Variants in TMEM62 observed in about 807,000 individuals in gnomAD.
The protein encoded by TMEM62 is transmembrane protein 62.
TMEM62 carries 41 observed loss-of-function variants against 70.4 expected under a neutral mutation model. The ratio of observed to expected loss-of-function variants is 0.58; its 90% confidence interval spans 0.45 to 0.76. The LOEUF is 0.76. Among genes scored for constraint, TMEM62 ranks in the 30% least tolerant of loss-of-function variants. The pLI is 0.00. For synonymous variants in TMEM62, 268 were observed against 291.0 expected (o/e 0.92, Z 0.80); for missense variants, 688 against 788.5 (o/e 0.87, Z 1.53).
Position 43,133,833 on chromosome 15 carries a change from G to A in TMEM62, c.31G>A (p.Ala11Thr), listed in dbSNP as rs1332882243. The A allele has an allele frequency of 1.4e-6, 2 of 1,454,354 alleles. No homozygotes were observed. Among genetic ancestry groups the A allele is most frequent in the Non-Finnish European group, 1.8e-6 (2 of 1,110,556 alleles). The allele number at this position is 1,454,354 out of a possible 1,614,324, so 90.1% of individuals were successfully genotyped here. Residue 11 changes from alanine (A) to threonine (T), a missense_variant, in exon 1 of 14, where the codon GCG becomes ACG. Physicochemically the swap from Ala to Thr is moderately conservative, Grantham distance 58. Coordinates refer to ENST00000260403, the MANE Select transcript of TMEM62 (RefSeq NM_024956.4). ...TGCAGTGCTGGCTCTCAGGGTGGTC[G>A]CGGGGTTGGCGGCCGCAGCGCTGGT... MAAVLALRVV[A>T]GLAAAALVAM...
chr15:43,146,402 C>A, intron 4 of TMEM62, 91 bp from the exon 5 acceptor site: 1 of 1,247,366 alleles, frequency 8.0e-7, no homozygotes, highest in African/African-American at 1.5e-5. Flanking sequence ...ATCTCGTTTT[C>A]AAAGGAAGGT....
intron 10 of TMEM62, 62 bp downstream of exon 10, chr15:43,160,856 G>T: frequency 1.1e-6 from 1 of 938,442 alleles, no homozygotes; most frequent in Non-Finnish European, 1.6e-6. Flanking sequence ...ATATACAGTA[G>T]TCCTCCCTTA....
At chr15:43,167,609 G>A (rs1460973381) in intron 10 of TMEM62, among the ~76,000 whole-genome samples, 10 of 151,238 alleles carry the variant, frequency 6.6e-5, no homozygotes, top group African/African-American at 1.7e-4. Context: ...ATGTGATGGC[G>A]GCCAGGCAGA....
Position 43,149,154 on chromosome 15 carries a change from A to G in TMEM62, c.866+3A>G. The G allele has an allele frequency of 6.2e-7, 1 of 1,613,482 alleles. No homozygotes were observed. The highest frequency in any genetic ancestry group is 8.5e-7 in the Non-Finnish European group (1 of 1,179,766). ...GGAGACTGGAAGGATAATAGGAGGTAAGGGAACCTCCCCATAGAAGAAAAC... is the reference window on the plus strand; with the variant it reads ...GGAGACTGGAAGGATAATAGGAGGTGAGGGAACCTCCCCATAGAAGAAAAC... On this transcript the variant is annotated splice_donor_region_variant and intron_variant, in intron 7 of 13. Coordinates refer to ENST00000260403, the MANE Select transcript of TMEM62 (RefSeq NM_024956.4).
At chr15:43,159,655 C>G (rs979341902) in intron 9 of TMEM62, among the ~76,000 whole-genome samples, 6 of 152,100 alleles carry the variant, frequency 3.9e-5, no homozygotes, top group African/African-American at 1.4e-4. Flanking sequence ...TTGATGGACA[C>G]TTAGGTTGCT....
At chr15:43,161,467 T>TA (rs35590984) in intron 10 of TMEM62, among the ~76,000 whole-genome samples, 19,749 of 152,198 alleles carry the variant, frequency 0.13, 1,738 homozygotes, top group Middle Eastern at 0.21. Context: ...TCCACATCAA[T>TA]AATATATGCT....
intron 9 of TMEM62, chr15:43,160,399 A>G (rs1220765766): frequency 4.1e-6 from 1 of 242,532 alleles, no homozygotes; most frequent in Non-Finnish European, 7.9e-6. Context: ...ATAAATTTAA[A>G]TATTAGCCAG....
At chr15:43,180,243 C>G (rs548867409) in intron 12 of TMEM62, among the ~76,000 whole-genome samples, 21 of 152,300 alleles carry the variant, frequency 1.4e-4, no homozygotes, top group Admixed American at 1.2e-3. Context: ...CTACCTCAGC[C>G]TCCCGACTAG....
At chr15:43,149,956 G>T (rs567588206) in intron 7 of TMEM62, among the ~76,000 whole-genome samples, 7 of 152,150 alleles carry the variant, frequency 4.6e-5, no homozygotes, top group South Asian at 2.1e-4. Context: ...TAAATATATG[G>T]TTTTTTCTTT....
intron 4 of TMEM62, among the ~76,000 whole-genome samples, chr15:43,145,307 C>T (rs918015281): frequency 1.5e-4 from 22 of 150,722 alleles, no homozygotes; most frequent in African/African-American, 4.9e-4. Flanking sequence ...CGGGTTCAAG[C>T]CATTGTCCTG....
At position 43,181,308 on chromosome 15, in the gene TMEM62, T is replaced by C. The variant is rs1187759411; in HGVS notation, c.1605+9T>C. Reference sequence around the variant, plus strand: ...TAATTGGAATTCTCCAGGTAAGAAGTCAGAAAAGCAATTTAAGAACATCTT... The same window carrying C: ...TAATTGGAATTCTCCAGGTAAGAAGCCAGAAAAGCAATTTAAGAACATCTT... On this transcript the variant is annotated intron_variant, in intron 13 of 13. Coordinates refer to ENST00000260403, the MANE Select transcript of TMEM62 (RefSeq NM_024956.4). 1 of 1,560,898 alleles carries C rather than the reference T, an allele frequency of 6.4e-7. No individual in the cohort carries two copies. Among genetic ancestry groups the C allele is most frequent in the South Asian group, 1.1e-5 (1 of 89,722 alleles).
intron 10 of TMEM62, among the ~76,000 whole-genome samples, chr15:43,168,116 A>AAGAGAG (rs1439436649): frequency 1.5e-5 from 2 of 136,340 alleles, no homozygotes; most frequent in South Asian, 2.6e-4. Flanking sequence ...AGACTGTGGA[A>AAGAGAG]AGAGAGGGAG....
intron 9 of TMEM62, among the ~76,000 whole-genome samples, chr15:43,155,345 A>C (rs914280872): frequency 6.6e-6 from 1 of 151,556 alleles, no homozygotes; most frequent in Non-Finnish European, 1.5e-5. Flanking sequence ...AAAAAATAAA[A>C]GTTAGCTGGG....
intron 11 of TMEM62, chr15:43,169,927 C>T (rs2040010580): frequency 3.2e-6 from 1 of 316,050 alleles, no homozygotes; most frequent in Non-Finnish European, 5.8e-6. Context: ...TTGCTTCGGC[C>T]CCAAAAGTTG....
chr15:43,134,618 T>A (rs1314629409), intron 2 of TMEM62, among the ~76,000 whole-genome samples: 2 of 152,262 alleles, frequency 1.3e-5, no homozygotes, highest in African/African-American at 4.8e-5. Flanking sequence ...CTCCTGGTTC[T>A]CATGTCAGTC....
chr15:43,178,450 A>G (rs191626586), intron 11 of TMEM62, among the ~76,000 whole-genome samples, 157 bp from the exon 12 acceptor site: 3 of 152,162 alleles, frequency 2.0e-5, no homozygotes, highest in Non-Finnish European at 2.9e-5. Flanking sequence ...ATTCCTGCCA[A>G]ATTCTGAATT....
intron 10 of TMEM62, among the ~76,000 whole-genome samples, chr15:43,163,234 C>T (rs539349892): frequency 6.0e-4 from 91 of 151,790 alleles, no homozygotes; most frequent in Non-Finnish European, 1.3e-3. Context: ...AAAACTTAAA[C>T]CTTCCTTAAT....
chr15:43,136,502 T>C (rs1189198236), intron 3 of TMEM62, among the ~76,000 whole-genome samples: 1 of 152,158 alleles, frequency 6.6e-6, no homozygotes, highest in Non-Finnish European at 1.5e-5. Context: ...TGGAGTGCAG[T>C]AGTGCAATCT....
At position 43,135,528 on chromosome 15, in the gene TMEM62, C is replaced by A; in HGVS notation, c.309C>A (p.Ala103=). Residue 103 remains alanine, a synonymous_variant, in exon 3 of 14, where the codon GCC becomes GCA. Coordinates refer to ENST00000260403, the MANE Select transcript of TMEM62 (RefSeq NM_024956.4). ...AACCTACAGGAGACCTGACAGATGCCAAAACAAAGGAACAGTTGGGATCCA... is the reference window on the plus strand; with the variant it reads ...AACCTACAGGAGACCTGACAGATGCAAAAACAAAGGAACAGTTGGGATCCA... The part of the protein sequence containing the change: ...LVLATGDLTD[A]KTKEQLGSRQ... 1 of 1,601,644 alleles carries A rather than the reference C, an allele frequency of 6.2e-7. No homozygotes were observed. Among genetic ancestry groups the A allele is most frequent in the Non-Finnish European group, 8.5e-7 (1 of 1,177,022 alleles).
Sources: gnomAD v4.1 joint callset for allele counts (sites outside exome capture counted in the v4.1 genomes callset) on GRCh38, gnomAD v4.1.1 for gene constraint, MANE v1.5 for transcripts, NCBI Gene and HGNC (gene_info 2026-07-23, HGNC 2026-07-21) for gene names.